The following SLC7A6 variants were observed in gnomAD, a reference collection of about 807,000 sequenced individuals.
The protein encoded by SLC7A6 is Y+L amino acid transporter 2.
A neutral mutation model predicts 46.6 loss-of-function variants in SLC7A6; 29 were observed. The observed-to-expected ratio is 0.62, with a 90% CI of 0.46 to 0.85. The LOEUF (loss-of-function observed/expected upper bound fraction) is 0.85, where lower values mean the gene tolerates loss of function less well. Ranked by LOEUF, SLC7A6 falls within the 40% of genes least tolerant of loss-of-function variation. The pLI is 0.00. For missense variants in SLC7A6, 527 were observed against 647.6 expected (o/e 0.81, Z 2.02); for synonymous variants, 276 against 257.3 (o/e 1.07, Z -0.70).
chr16:68,285,031 G>A (rs911309296), intron 3 of SLC7A6, among the ~76,000 whole-genome samples: 2 of 150,522 alleles, frequency 1.3e-5, no homozygotes, highest in South Asian at 2.1e-4. Flanking sequence ...CCGCTGCCCC[G>A]GCCCCCTGTC....
intron 3 of SLC7A6, among the ~76,000 whole-genome samples, chr16:68,279,476 T>G (rs527589934): frequency 6.6e-6 from 1 of 152,240 alleles, no homozygotes. Context: ...GATTTAATTT[T>G]CAGCTTTATC....
rs575564866 is a variant in SLC7A6, at chr16:68,291,608, T to C, written c.969T>C (p.Ala323=). 89 of 1,614,198 alleles carry C rather than the reference T, an allele frequency of 5.5e-5. No individual in the cohort carries two copies. The East Asian group carries it at 1.1e-3, about 20-fold the overall frequency. Residue 323 remains alanine (A), a synonymous_variant, in exon 7 of 11, where the codon GCT becomes GCC. Coordinates refer to ENST00000219343, the MANE Select transcript of SLC7A6 (RefSeq NM_003983.6). Reference sequence around the variant, plus strand: ...TGTTCAGCTGGACCATCCCCATTGCTGTTGCCCTGTCCTGCTTTGGGGGCC... The same window carrying C: ...TGTTCAGCTGGACCATCCCCATTGCCGTTGCCCTGTCCTGCTTTGGGGGCC... The part of the protein sequence containing the change: ...FGMFSWTIPI[A]VALSCFGGLN...
intron 3 of SLC7A6, among the ~76,000 whole-genome samples, chr16:68,282,169 C>A (rs979680739): frequency 1.3e-5 from 2 of 152,136 alleles, no homozygotes; most frequent in Admixed American, 1.3e-4. Flanking sequence ...GAGAGTGATA[C>A]GGGGCTAGGG....
In SLC7A6 at chr16:68,295,288, C is replaced by T. The variant is rs542183322; in HGVS notation, c.1119+487C>T. On this transcript the variant is annotated intron_variant, in intron 8 of 10. Transcript: ENST00000219343. Reference sequence around the variant, plus strand: ...ACCAAGGGTACTTCTTTAGTCCCCCCGCCCTTGGAATTTTCCTAGCAATTC... The same window carrying T: ...ACCAAGGGTACTTCTTTAGTCCCCCTGCCCTTGGAATTTTCCTAGCAATTC... Among the ~76,000 whole-genome samples the T allele has an allele frequency of 2.0e-4, 31 of 152,256 alleles. 1 individual carries two copies. The highest frequency in any genetic ancestry group is 6.8e-3 in the Middle Eastern group (2 of 294).
rs2043277999 is a variant in SLC7A6 at position 68,301,627 on chromosome 16, C to T, written c.*4299C>T. 2.7e-6 allele frequency: 1 copy of T among 374,884 alleles called. No individual in the cohort carries two copies. The highest frequency in any genetic ancestry group is 2.1e-5 in the African/African-American group (1 of 47,622). The allele number at this position is 374,884 out of a possible 1,614,324, so 23.2% of individuals were successfully genotyped here. A position where few individuals can be genotyped will look rare whatever the true frequency, so the allele number is the denominator to read the frequency against. On this transcript the variant is annotated 3_prime_UTR_variant, in exon 11 of 11. Transcript: ENST00000219343. ...ACACTGGAGTATTTTGTCACTTCTC[C>T]CCTCCGTGGAGTATTTTGTCACTTC...
intron 3 of SLC7A6, among the ~76,000 whole-genome samples, chr16:68,284,877 T>TTTTTTTTA (rs1567589507): frequency 6.7e-6 from 1 of 148,612 alleles, no homozygotes. Context: ...TTTTTTTTTT[T>TTTTTTTTA]AGAGACAAGT....
In SLC7A6 at chr16:68,296,666, G is replaced by A. The variant is rs368521816; in HGVS notation, c.1309G>A (p.Val437Met). The A allele has an allele frequency of 3.8e-5, 61 of 1,614,012 alleles. No homozygotes were observed. The highest frequency in any genetic ancestry group is 1.6e-4 in the Middle Eastern group (1 of 6,084). Reference protein sequence around the residue: ...FFPIVFCICSVFLVIVPLFTD... With the variant: ...FFPIVFCICSMFLVIVPLFTD... ...CCCCATCGTGTTCTGCATATGCTCC[G>A]TGTTTCTGGTGATAGTGCCCCTCTT... Residue 437 changes from valine (V) to methionine (M), a missense_variant, in exon 10 of 11, where the codon GTG (valine) becomes ATG (methionine). Physicochemically the swap from Val to Met is conservative, Grantham distance 21. Coordinates refer to ENST00000219343, the MANE Select transcript of SLC7A6 (RefSeq NM_003983.6).
chr16:68,294,638 G>C (rs1318701692), intron 7 of SLC7A6, 67 bp from the exon 8 acceptor site: 10 of 1,167,532 alleles, frequency 8.6e-6, no homozygotes, highest in Non-Finnish European at 1.3e-5. Context: ...GTTTGTCCAA[G>C]TGAGGAGTGA....
intron 2 of SLC7A6, among the ~76,000 whole-genome samples, chr16:68,271,462 C>A (rs1277970616): frequency 1.6e-5 from 2 of 126,940 alleles, no homozygotes; most frequent in Non-Finnish European, 3.3e-5. Context: ...TGTGCCATGC[C>A]ACCATGCCCA....
Position 68,296,720 on chromosome 16 carries a change from A to T in SLC7A6, c.1363A>T (p.Ile455Phe), listed in dbSNP as rs771422498. 1.9e-6 allele frequency: 3 copies of T among 1,614,176 alleles called. No homozygotes were observed. The highest frequency in any genetic ancestry group is 2.2e-5 in the South Asian group (2 of 91,074). Residue 455 changes from isoleucine to phenylalanine, a missense_variant, in exon 10 of 11, where the codon ATC becomes TTC. By Grantham distance (21) the Ile-to-Phe change is conservative. Coordinates refer to ENST00000219343, the MANE Select transcript of SLC7A6 (RefSeq NM_003983.6). ...TGACACCATTAATTCCCTCATTGGC[A>T]TCGGGATTGCCCTTTCTGGAGTCCC... ...FTDTINSLIG[I>F]GIALSGVPFY...
In SLC7A6 at chr16:68,301,446, C is replaced by A; in HGVS notation, c.*4118C>A. ...GGGAGTGGATTCTAAATGTGATTTT[C>A]CTAGGCTACTGCAGGAGCCCCTTCT... On this transcript the variant is annotated 3_prime_UTR_variant, in exon 11 of 11. Transcript: ENST00000219343. 1 of 1,589,722 alleles carries A rather than the reference C, an allele frequency of 6.3e-7. No individual in the cohort carries two copies. The highest frequency in any genetic ancestry group is 8.6e-7 in the Non-Finnish European group (1 of 1,162,734).
chr16:68,276,481 G>C (rs1338159112), intron 3 of SLC7A6, among the ~76,000 whole-genome samples: 1 of 152,152 alleles, frequency 6.6e-6, no homozygotes, highest in Non-Finnish European at 1.5e-5. Context: ...CTTGGAGTTA[G>C]CAATAAAGGA....
intron 3 of SLC7A6, among the ~76,000 whole-genome samples, chr16:68,280,438 T>C (rs2151220119): frequency 6.6e-6 from 1 of 152,290 alleles, no homozygotes; most frequent in African/African-American, 2.4e-5. Context: ...TTTGTTTGGT[T>C]TGTGGTGTTG....
At position 68,291,348 on chromosome 16, in the gene SLC7A6, TC is replaced by T; in HGVS notation, c.918+20del. On this transcript the variant is annotated intron_variant, in intron 6 of 10. Transcript: ENST00000219343. ...TGTGGCTGTGGTGAGTCTCTTGGGA[TC>T]CCCATTTGTTCATCATCTCCTGATA... is the stretch of plus-strand genomic sequence containing the variant. The T allele has an allele frequency of 6.2e-7, 1 of 1,613,392 alleles. No homozygotes were observed. The highest frequency in any genetic ancestry group is 1.1e-5 in the South Asian group (1 of 91,024).
At position 68,297,505 on chromosome 16, in the gene SLC7A6, CCAA is replaced by C. The variant is rs1427706994; in HGVS notation, c.*179_*181del. The stretch of plus-strand genomic sequence containing the variant: ...AGCTATAGGAGACTCAGGATCTGGG[CCAA>C]CCTCAAGGTGGGGGCTTCAGAGGGT... On this transcript the variant is annotated 3_prime_UTR_variant, in exon 11 of 11. Transcript: ENST00000219343. 2 of 455,790 alleles carry C rather than the reference CCAA, an allele frequency of 4.4e-6. No individual in the cohort carries two copies. Among genetic ancestry groups the C allele is most frequent in the Admixed American group, 4.1e-5 (1 of 24,322 alleles). The allele number at this position is 455,790 out of a possible 1,614,324, so 28.2% of individuals were successfully genotyped here.
chr16:68,287,813 C>A lies in SLC7A6; in HGVS notation c.591C>A (p.Tyr197Ter). The change falls in exon 4 of 11, where the codon TAC (tyrosine) becomes TAA (stop). Residue 197 changes from tyrosine (Y) to a stop codon, truncating the protein, a stop_gained. Coordinates refer to ENST00000219343, the MANE Select transcript of SLC7A6 (RefSeq NM_003983.6). LOFTEE classifies it high-confidence loss of function. ...WGTRVQDTFT[Y>*]AKVVALIAII... ...CACGTGTGCAGGACACGTTCACTTACGCCAAGGTCGTAGCGCTCATTGCCA... is the reference window on the plus strand; with the variant it reads ...CACGTGTGCAGGACACGTTCACTTAAGCCAAGGTCGTAGCGCTCATTGCCA... 2 of 1,614,200 alleles carry A rather than the reference C, an allele frequency of 1.2e-6. No individual in the cohort carries two copies. The highest frequency in any genetic ancestry group is 8.5e-7 in the Non-Finnish European group (1 of 1,180,036).
intron 2 of SLC7A6, among the ~76,000 whole-genome samples, 156 bp downstream of exon 2, chr16:68,266,877 A>G (rs2042542302): frequency 6.6e-6 from 1 of 152,098 alleles, no homozygotes; most frequent in South Asian, 2.1e-4. Context: ...AATTTATTAT[A>G]AAAATAAATT....
At position 68,300,400 on chromosome 16, in the gene SLC7A6, TTAA is replaced by T. The variant is rs1351646403; in HGVS notation, c.*3076_*3078del. On this transcript the variant is annotated 3_prime_UTR_variant, in exon 11 of 11. Coordinates refer to ENST00000219343, the MANE Select transcript of SLC7A6 (RefSeq NM_003983.6). ...GTCTGCTTAGAAGAGATACAAGTTGTTAATAAAATTGATCCTGTTGATAGTAGT... is the reference window on the plus strand; with the variant it reads ...GTCTGCTTAGAAGAGATACAAGTTGTTAAAATTGATCCTGTTGATAGTAGT... The T allele has an allele frequency of 6.4e-6, 1 of 155,434 alleles. No homozygotes were observed. Among genetic ancestry groups the T allele is most frequent in the East Asian group, 1.9e-4 (1 of 5,212 alleles). The allele number at this position is 155,434 out of a possible 1,614,324, so 9.6% of individuals were successfully genotyped here.
Position 68,295,773 on chromosome 16 carries a change from T to C in SLC7A6, c.1120-591T>C, listed in dbSNP as rs557785581. On this transcript the variant is annotated intron_variant, in intron 8 of 10. Coordinates refer to ENST00000219343, the MANE Select transcript of SLC7A6 (RefSeq NM_003983.6). Reference sequence around the variant, plus strand: ...TTTGTTCCAGAAGCTAATGCTGTCTTATGTCTGGATGGATCCATTTTGCTA... The same window carrying C: ...TTTGTTCCAGAAGCTAATGCTGTCTCATGTCTGGATGGATCCATTTTGCTA... Among the ~76,000 whole-genome samples, 97 of 152,218 alleles carry C rather than the reference T, an allele frequency of 6.4e-4. 1 individual carries two copies. The highest frequency in any genetic ancestry group is 9.6e-4 in the Non-Finnish European group (65 of 68,040).
Sources: gnomAD v4.1 joint callset for allele counts (sites outside exome capture counted in the v4.1 genomes callset) on GRCh38, gnomAD v4.1.1 for gene constraint, MANE v1.5 for transcripts, NCBI Gene and HGNC (gene_info 2026-07-23, HGNC 2026-07-21) for gene names.